Variants in ANK2 observed in about 807,000 individuals in gnomAD.
The protein encoded by ANK2 is ankyrin-2.
A neutral mutation model predicts 360.5 loss-of-function variants in ANK2; 83 were observed. That is an observed-to-expected ratio of 0.23 (90% CI 0.19 to 0.28). The LOEUF is 0.28. Ranked by LOEUF, ANK2 falls within the 10% of genes least tolerant of loss-of-function variation. ANK2 has a pLI of 1.00. For synonymous variants in ANK2, 1,740 were observed against 1,759.5 expected (o/e 0.99, Z 0.28); for missense variants, 4,201 against 4,795.7 (o/e 0.88, Z 3.66).
At chr4:112,714,308 A>T in the ANK2 span, among the ~76,000 whole-genome samples, 3 of 151,960 alleles carry the variant, frequency 2.0e-5, no homozygotes, top group Non-Finnish European at 4.4e-5. Flanking sequence ...TCAGCCTCCC[A>T]AGTAGCTGGG....
chr4:113,127,726 A>T (rs978432478), intron 1 of ANK2, among the ~76,000 whole-genome samples: 1 of 152,108 alleles, frequency 6.6e-6, no homozygotes, highest in African/African-American at 2.4e-5. Context: ...AAGTAGCTGA[A>T]CTCAGTGAAG....
At chr4:112,874,411 C>T (rs981004609) in intron 1 of ANK2, among the ~76,000 whole-genome samples, 1 of 150,716 alleles carries the variant, frequency 6.6e-6, no homozygotes, top group African/African-American at 2.4e-5. Context: ...TAAGCCAAGG[C>T]GGGCAGATTA....
chr4:113,097,876 G>GCACA (rs372519816), intron 1 of ANK2, among the ~76,000 whole-genome samples: 1 of 105,928 alleles, frequency 9.4e-6, no homozygotes, highest in Non-Finnish European at 2.1e-5. Flanking sequence ...GTATATATAT[G>GCACA]CACACACACA....
At chr4:113,321,447 G>C (rs908470717) in intron 26 of ANK2, among the ~76,000 whole-genome samples, 1 of 152,074 alleles carries the variant, frequency 6.6e-6, no homozygotes, top group Non-Finnish European at 1.5e-5. Flanking sequence ...CTCTATTAGC[G>C]TCTCCAGTGT....
chr4:112,972,347 C>T (rs2039823404), intron 2 of ANK2, among the ~76,000 whole-genome samples: 1 of 152,088 alleles, frequency 6.6e-6, no homozygotes, highest in Admixed American at 6.5e-5. Flanking sequence ...CTCCCTTTGC[C>T]CCTCACCCCT....
intron 1 of ANK2, among the ~76,000 whole-genome samples, chr4:113,121,296 C>T (rs1015233350): frequency 6.6e-6 from 1 of 152,124 alleles, no homozygotes; most frequent in African/African-American, 2.4e-5. Context: ...GTCTGTCTGG[C>T]TCTAAAGTTC....
chr4:113,136,432 G>A (rs1448601639), intron 1 of ANK2, among the ~76,000 whole-genome samples: 2 of 152,122 alleles, frequency 1.3e-5, no homozygotes, highest in Admixed American at 6.6e-5. Context: ...ATGGTGGTTC[G>A]CACCTGTAAT....
At chr4:112,977,023 C>A (rs17045209) in intron 2 of ANK2, among the ~76,000 whole-genome samples, 10,298 of 152,212 alleles carry the variant, frequency 0.068, 535 homozygotes, top group African/African-American at 0.14. Context: ...AGCAGGAATT[C>A]TTTGTTCCAC....
At chr4:113,240,064 TA>T (rs1330182832) in intron 7 of ANK2, among the ~76,000 whole-genome samples, 3 of 152,106 alleles carry the variant, frequency 2.0e-5, no homozygotes, top group African/African-American at 7.2e-5. Flanking sequence ...AAAACAAAAA[TA>T]AAACAAAAAC....
chr4:113,228,581 CATTG>C (rs921757757), intron 4 of ANK2, among the ~76,000 whole-genome samples: 2 of 152,072 alleles, frequency 1.3e-5, no homozygotes, highest in African/African-American at 4.8e-5. Context: ...TTTAACCACT[CATTG>C]ATTGATGGGC....
chr4:113,180,854 C>A lies in ANK2; in HGVS notation c.186+6337C>A, dbSNP rs149442707. On this transcript the variant is annotated intron_variant, in intron 2 of 45. Transcript: ENST00000357077. The stretch of plus-strand genomic sequence containing the variant: ...TATATAGCTAAATGCTTATTATTGA[C>A]CCCTCATTTAGAAGAAGCAAAAGGT... Among the ~76,000 whole-genome samples, 4 of 152,208 alleles carry A rather than the reference C, an allele frequency of 2.6e-5. No homozygotes were observed. The East Asian group carries it at 7.7e-4, about 29-fold the overall frequency.
At chr4:113,196,865 C>T (rs1413041357) in intron 3 of ANK2, among the ~76,000 whole-genome samples, 2 of 152,172 alleles carry the variant, frequency 1.3e-5, no homozygotes, top group South Asian at 2.1e-4. Flanking sequence ...TTGGCTAGAA[C>T]ACCAAGATTC....
chr4:112,908,819 G>T (rs903392443), intron 2 of ANK2, among the ~76,000 whole-genome samples: 2 of 152,224 alleles, frequency 1.3e-5, no homozygotes, highest in East Asian at 3.8e-4. Context: ...AGGTGAATCA[G>T]CTCAGTCTGG....
chr4:113,339,120 T>G, intron 31 of ANK2, 106 bp from the exon 32 acceptor site: 1 of 918,950 alleles, frequency 1.1e-6, no homozygotes, highest in Non-Finnish European at 1.8e-6. Context: ...ATGTGCCATT[T>G]TGAGGGGTGG....
intron 1 of ANK2, among the ~76,000 whole-genome samples, chr4:113,128,391 A>G (rs563688100): frequency 1.3e-5 from 2 of 152,388 alleles, no homozygotes; most frequent in East Asian, 1.9e-4. Context: ...TACTTATTAT[A>G]TCACCATAGT....
intron 23 of ANK2, among the ~76,000 whole-genome samples, chr4:113,305,821 T>C (rs927496594): frequency 9.2e-5 from 14 of 152,210 alleles, no homozygotes; most frequent in South Asian, 8.3e-4. Flanking sequence ...TTAGTAGTAA[T>C]AGTGTATTGA....
chr4:113,273,076 A>C (rs547689927), intron 14 of ANK2, among the ~76,000 whole-genome samples: 2 of 152,198 alleles, frequency 1.3e-5, no homozygotes, highest in South Asian at 4.2e-4. Context: ...TTTCCTACTG[A>C]GAGTCACTTT....
chr4:112,999,769 C>G (rs2049960535), intron 2 of ANK2, among the ~76,000 whole-genome samples: 1 of 151,850 alleles, frequency 6.6e-6, no homozygotes. Context: ...ATTTGAACCC[C>G]CTGGAATCGT....
chr4:113,365,241 T>G (rs2154054343), intron 41 of ANK2, 59 bp downstream of exon 41: 1 of 1,576,856 alleles, frequency 6.3e-7, no homozygotes, highest in South Asian at 1.1e-5. Context: ...GTTGTGTCTG[T>G]GTGTGGTTAA....
Sources: gnomAD v4.1 joint callset for allele counts (sites outside exome capture counted in the v4.1 genomes callset) on GRCh38, gnomAD v4.1.1 for gene constraint, MANE v1.5 for transcripts, NCBI Gene and HGNC (gene_info 2026-07-23, HGNC 2026-07-21) for gene names.